The following PRKG1 variants were observed in gnomAD, a reference collection of about 807,000 sequenced individuals.
The protein encoded by PRKG1 is protein kinase cGMP-dependent 1, also known as cGMP-dependent protein kinase 1.
PRKG1 carries 35 observed loss-of-function variants against 88.1 expected under a neutral mutation model. The observed-to-expected ratio is 0.40, with a 90% CI of 0.30 to 0.53. The LOEUF is 0.53. Among genes scored for constraint, PRKG1 ranks in the 20% least tolerant of loss-of-function variants. The pLI is 0.59. For missense variants in PRKG1, 540 were observed against 839.8 expected, an observed-to-expected ratio of 0.64 and a Z score of 4.41; for synonymous variants, 303 against 292.5, an observed-to-expected ratio of 1.04 and a Z score of -0.37.
intron 1 of PRKG1, among the ~76,000 whole-genome samples, chr10:51,084,323 G>T (rs1420976210): frequency 1.3e-5 from 2 of 152,184 alleles, no homozygotes; most frequent in Admixed American, 1.3e-4. Flanking sequence ...AGAATGATAG[G>T]CAGAAGTTGG....
intron 9 of PRKG1, among the ~76,000 whole-genome samples, chr10:52,162,314 CAAAA>C (rs1838298091): frequency 6.6e-6 from 1 of 151,962 alleles, no homozygotes; most frequent in Non-Finnish European, 1.5e-5. Flanking sequence ...GGAATTGTAT[CAAAA>C]ATAATAAGGC....
intron 4 of PRKG1, among the ~76,000 whole-genome samples, chr10:51,849,452 G>C (rs886836676): frequency 2.0e-5 from 3 of 152,084 alleles, no homozygotes; most frequent in African/African-American, 7.2e-5. Context: ...TTGATTCGCT[G>C]CAAAGTTATG....
At chr10:52,005,786 A>T (rs1844719336) in intron 5 of PRKG1, among the ~76,000 whole-genome samples, 2 of 152,152 alleles carry the variant, frequency 1.3e-5, no homozygotes, top group Admixed American at 6.5e-5. Context: ...AATGAGCCAT[A>T]CATGCTGGAG....
At chr10:52,271,568 C>CAAAAA (rs1841731586) in intron 11 of PRKG1, 79 bp downstream of exon 11, 1 of 1,422,982 alleles carries the variant, frequency 7.0e-7, no homozygotes, top group African/African-American at 1.4e-5. Context: ...CACTTGTGCT[C>CAAAAA]ACTGTTAACA....
chr10:51,939,801 A>C (rs1842868204), intron 5 of PRKG1, among the ~76,000 whole-genome samples: 1 of 151,842 alleles, frequency 6.6e-6, no homozygotes, highest in Non-Finnish European at 1.5e-5. Context: ...GTAGAAGAAA[A>C]ATCTTTGATT....
chr10:51,037,648 G>T (rs1935066190), intron 1 of PRKG1, among the ~76,000 whole-genome samples: 2 of 151,846 alleles, frequency 1.3e-5, no homozygotes, highest in South Asian at 4.2e-4. Context: ...GCCAGGCATG[G>T]TGGCATGTAC....
intron 1 of PRKG1, among the ~76,000 whole-genome samples, chr10:51,012,448 A>G (rs1035264168): frequency 1.3e-5 from 2 of 152,182 alleles, no homozygotes; most frequent in African/African-American, 4.8e-5. Flanking sequence ...AGTAGTCATT[A>G]CCTCTGTAAT....
chr10:52,001,583 T>C (rs1385247668), intron 5 of PRKG1, among the ~76,000 whole-genome samples: 2 of 151,966 alleles, frequency 1.3e-5, no homozygotes, highest in South Asian at 2.1e-4. Flanking sequence ...TCATTTTTTT[T>C]CCCTAAAAAT....
At chr10:52,224,937 A>G (rs1450931746) in intron 9 of PRKG1, among the ~76,000 whole-genome samples, 1 of 151,476 alleles carries the variant, frequency 6.6e-6, no homozygotes, top group Admixed American at 6.6e-5. Context: ...TTGTGCTGCT[A>G]TAAACATGTG....
Position 51,765,815 on chromosome 10 carries a change from A to AT in PRKG1, c.593-38745dup, listed in dbSNP as rs398046339. ...CCTAAGTATGCTGTTGCCTTACATG[A>AT]TTTTTTTTTTTTTTTTTTTTTTTTT... On this transcript the variant is annotated intron_variant, in intron 3 of 17. Coordinates refer to ENST00000373980, the MANE Select transcript of PRKG1 (RefSeq NM_006258.4). 6.0e-3 allele frequency among the ~76,000 whole-genome samples: 803 copies of AT among 134,540 alleles called. 4 individuals are homozygous for AT. The highest frequency in any genetic ancestry group is 0.016 in the East Asian group (62 of 3,918). 88.3% of individuals were successfully genotyped at this position (134,540 alleles called of 152,430 possible).
At chr10:51,173,343 ATTTG>A (rs1186666926) in intron 2 of PRKG1, among the ~76,000 whole-genome samples, 2 of 151,908 alleles carry the variant, frequency 1.3e-5, no homozygotes, top group Non-Finnish European at 2.9e-5. Flanking sequence ...TTAAAAAATT[ATTTG>A]TTTGACCTAA....
chr10:51,277,303 T>C (rs1233477959), intron 2 of PRKG1, among the ~76,000 whole-genome samples: 1 of 152,206 alleles, frequency 6.6e-6, no homozygotes, highest in Non-Finnish European at 1.5e-5. Context: ...AGGGCTGTGT[T>C]CTGTTCCATT....
At chr10:51,215,304 G>A (rs1279606908) in intron 2 of PRKG1, among the ~76,000 whole-genome samples, 7 of 152,134 alleles carry the variant, frequency 4.6e-5, no homozygotes, top group Non-Finnish European at 1.0e-4. Flanking sequence ...TTCTTTGATC[G>A]TGAATTAGTC....
At chr10:51,524,116 C>T (rs1215069827) in intron 3 of PRKG1, among the ~76,000 whole-genome samples, 1 of 152,168 alleles carries the variant, frequency 6.6e-6, no homozygotes. Context: ...TAGAAGACTC[C>T]TGCTTCTGCT....
In PRKG1 at chr10:51,543,145, G is replaced by A. The variant is rs1019725045; in HGVS notation, c.592+75309G>A. On this transcript the variant is annotated intron_variant, in intron 3 of 17. Coordinates refer to ENST00000373980, the MANE Select transcript of PRKG1 (RefSeq NM_006258.4). The stretch of plus-strand genomic sequence containing the variant: ...GTTATGCAATAGAGTTTTGAACTTG[G>A]CCCTGTCCCATCTAACATTACCAAT... Among the ~76,000 whole-genome samples the A allele has an allele frequency of 1.1e-4, 16 of 152,112 alleles. 1 individual carries two copies. The highest frequency in any genetic ancestry group is 3.9e-4 in the African/African-American group (16 of 41,428).
At chr10:51,027,136 C>T (rs1161096675) in intron 1 of PRKG1, among the ~76,000 whole-genome samples, 5 of 152,300 alleles carry the variant, frequency 3.3e-5, no homozygotes, top group African/African-American at 9.6e-5. Context: ...AAACCAACTG[C>T]TCTGGTGTGG....
At chr10:51,542,955 G>A (rs536802056) in intron 3 of PRKG1, among the ~76,000 whole-genome samples, 1 of 152,270 alleles carries the variant, frequency 6.6e-6, no homozygotes, top group South Asian at 2.1e-4. Context: ...GGAACGTGGG[G>A]GACATTGAGT....
chr10:52,281,662 G>T (rs1842005722), intron 13 of PRKG1, among the ~76,000 whole-genome samples: 1 of 152,172 alleles, frequency 6.6e-6, no homozygotes. Flanking sequence ...CTTACTAAGG[G>T]CAGAGTCATT....
intron 3 of PRKG1, among the ~76,000 whole-genome samples, chr10:51,595,230 C>A (rs1838414315): frequency 6.6e-6 from 1 of 152,096 alleles, no homozygotes; most frequent in South Asian, 2.1e-4. Context: ...TGCCTGTAGT[C>A]CCAGCTACTC....
Sources: allele counts gnomAD v4.1 joint callset (sites outside exome capture counted in the v4.1 genomes callset), GRCh38; gene constraint gnomAD v4.1.1; transcripts MANE v1.5; gene names NCBI Gene and HGNC (gene_info 2026-07-23, HGNC 2026-07-21).